Variants in IFRD1 observed in about 807,000 individuals in gnomAD.
The protein encoded by IFRD1 is interferon-related developmental regulator 1.
Under a neutral mutation model 52.9 loss-of-function variants are expected in IFRD1, and 35 were observed. The observed-to-expected ratio is 0.66, with a 90% CI of 0.51 to 0.88. IFRD1 has a LOEUF of 0.88. IFRD1 is among the 40% of genes least tolerant of loss of function. The pLI, the probability that IFRD1 is intolerant of heterozygous loss-of-function variation, is 0.00. For synonymous variants in IFRD1, 184 were observed against 188.4 expected (o/e 0.98, Z 0.19); for missense variants, 517 against 550.8 (o/e 0.94, Z 0.61).
intron 1 of IFRD1, among the ~76,000 whole-genome samples, chr7:112,441,982 A>G (rs1794901257): frequency 6.6e-6 from 1 of 152,196 alleles, no homozygotes; most frequent in African/African-American, 2.4e-5. Flanking sequence ...AAATGGATAA[A>G]TATCTGCTTA....
intron 1 of IFRD1, chr7:112,451,921 A>G: frequency 1.4e-6 from 1 of 726,862 alleles, no homozygotes; most frequent in Non-Finnish European, 1.7e-6. Context: ...ATATGGGGTT[A>G]TGTTGTTAAA....
At chr7:112,423,283 T>C (rs1794360965) in exon 1 of IFRD1, 1 of 152,226 alleles carries the variant, frequency 6.6e-6, no homozygotes, top group African/African-American at 2.4e-5. Context: ...GCCAACAGCC[T>C]GAACTGGTCA....
At chr7:112,468,299 A>C (rs1001924062) in intron 9 of IFRD1, among the ~76,000 whole-genome samples, 184 bp downstream of exon 9, 2 of 151,714 alleles carry the variant, frequency 1.3e-5, no homozygotes, top group Non-Finnish European at 2.9e-5. Flanking sequence ...AAAGAAAATT[A>C]ATGCTGGTGT....
chr7:112,471,514 A>G (rs116164360), intron 9 of IFRD1, among the ~76,000 whole-genome samples: 2,153 of 152,016 alleles, frequency 0.014, 59 homozygotes, highest in African/African-American at 0.048. Flanking sequence ...TGACATACTC[A>G]TGATTTACCA....
Position 112,450,484 on chromosome 7 carries a change from A to G in IFRD1, c.-205A>G. On this transcript the variant is annotated 5_prime_UTR_variant, in exon 1 of 12. Transcript: ENST00000403825. ...CGCCTTAGCTCCCGCGCTAGAGAGA[A>G]ACATGTATCGTTTTCGATCACAGCT... 1.7e-6 allele frequency: 1 copy of G among 604,658 alleles called. No individual in the cohort carries two copies. Among genetic ancestry groups the G allele is most frequent in the South Asian group, 1.9e-5 (1 of 52,982 alleles). 37.5% of individuals were successfully genotyped at this position (604,658 alleles called of 1,614,324 possible).
intron 1 of IFRD1, among the ~76,000 whole-genome samples, chr7:112,435,870 TTC>T (rs911813411): frequency 6.6e-6 from 1 of 150,962 alleles, no homozygotes; most frequent in Non-Finnish European, 1.5e-5. Flanking sequence ...TTTTTCTTTT[TTC>T]TCTCTTTTTT....
At chr7:112,452,023 C>G in intron 1 of IFRD1, 12 of 982,604 alleles carry the variant, frequency 1.2e-5, no homozygotes, top group Non-Finnish European at 1.5e-5. Flanking sequence ...ATTCTTAAAA[C>G]AGCAATTTTT....
At position 112,450,661 on chromosome 7, in the gene IFRD1, G is replaced by C. The variant is rs1238044272; in HGVS notation, c.-28G>C. ...CATCGGCTGATCCTCGCTAAGCTCC[G>C]ACTCTGGGCGGCACCGGGCGTCCCA... is the stretch of plus-strand genomic sequence containing the variant. On this transcript the variant is annotated 5_prime_UTR_variant, in exon 1 of 12. Transcript: ENST00000403825. The C allele has an allele frequency of 6.3e-7, 1 of 1,585,974 alleles. No homozygotes were observed. The highest frequency in any genetic ancestry group is 1.7e-5 in the Admixed American group (1 of 59,978).
chr7:112,458,089 A>G (rs975231664), intron 4 of IFRD1: 6 of 152,242 alleles, frequency 3.9e-5, no homozygotes, highest in African/African-American at 1.2e-4. Flanking sequence ...GGTGTTTTAC[A>G]TTCAAACTAT....
In IFRD1 at chr7:112,428,778, C is replaced by T. The variant is rs181391010; in HGVS notation, c.-182+5346C>T. 3.1e-3 allele frequency among the ~76,000 whole-genome samples: 470 copies of T among 152,232 alleles called. 3 individuals carry two copies. The highest frequency in any genetic ancestry group is 5.3e-3 in the Non-Finnish European group (358 of 68,010). On this transcript the variant is annotated intron_variant, in intron 1 of 12. Coordinates refer to the IFRD1 transcript ENST00000005558. ...TCTTTTTCTTAAACAGAGCCCCTAC[C>T]CTTTTAAAGCTGGTATTAGCTTCAG...
chr7:112,454,767 T>G (rs1230715404), intron 1 of IFRD1, among the ~76,000 whole-genome samples: 1 of 152,092 alleles, frequency 6.6e-6, no homozygotes, highest in African/African-American at 2.4e-5. Flanking sequence ...CTTATGATTA[T>G]CTATGATACA....
At chr7:112,432,417 T>G (rs1426618238) in intron 1 of IFRD1, among the ~76,000 whole-genome samples, 1 of 152,202 alleles carries the variant, frequency 6.6e-6, no homozygotes, top group Non-Finnish European at 1.5e-5. Context: ...TAACTTGCAG[T>G]TAGAGACATA....
intron 1 of IFRD1, chr7:112,452,200 C>T (rs1795184090): frequency 1.2e-6 from 1 of 802,774 alleles, no homozygotes. Context: ...GGCTCTGTCG[C>T]CCAGGCTGGA....
intron 1 of IFRD1, among the ~76,000 whole-genome samples, chr7:112,432,729 C>G (rs1386588810): frequency 6.6e-6 from 1 of 152,202 alleles, no homozygotes; most frequent in Admixed American, 6.5e-5. Flanking sequence ...GGTCACACTG[C>G]TGGCCAATGG....
intron 1 of IFRD1, among the ~76,000 whole-genome samples, chr7:112,434,988 C>G (rs555464673): frequency 6.6e-6 from 1 of 152,052 alleles, no homozygotes; most frequent in South Asian, 2.1e-4. Flanking sequence ...TTTTGATCAC[C>G]CTATATCATT....
At chr7:112,452,429 C>T (rs1795188977) in intron 1 of IFRD1, 2 of 979,962 alleles carry the variant, frequency 2.0e-6, no homozygotes, top group Admixed American at 6.1e-5. Flanking sequence ...AATGCTGGGA[C>T]GGTGCCTGGT....
At chr7:112,452,064 T>A (rs989865158) in intron 1 of IFRD1, 1 of 981,600 alleles carries the variant, frequency 1.0e-6, no homozygotes, top group African/African-American at 1.7e-5. Context: ...TTATTTTGAA[T>A]GCTCTCCATG....
rs1470657469 is a variant in IFRD1, at chr7:112,472,210, A to G, written c.1042-9A>G. On this transcript the variant is annotated splice_polypyrimidine_tract_variant and intron_variant, in intron 9 of 11. Coordinates refer to ENST00000403825, the MANE Select transcript of IFRD1 (RefSeq NM_001550.4). ...TGCCTGTGGTAATTTTGGTTCTTCCATTGGTTAGGAACGGGATTTTCCAAC... is the reference window on the plus strand; with the variant it reads ...TGCCTGTGGTAATTTTGGTTCTTCCGTTGGTTAGGAACGGGATTTTCCAAC... 3.7e-6 allele frequency: 6 copies of G among 1,613,824 alleles called. No individual in the cohort carries two copies. The highest frequency in any genetic ancestry group is 5.1e-6 in the Non-Finnish European group (6 of 1,179,822).
intron 1 of IFRD1, among the ~76,000 whole-genome samples, chr7:112,430,759 G>T (rs1454067021): frequency 2.0e-5 from 3 of 152,114 alleles, no homozygotes; most frequent in Non-Finnish European, 4.4e-5. Context: ...TGACCAAGTG[G>T]GTGGACTAGA....
Sources: gnomAD v4.1 joint callset for allele counts (sites outside exome capture counted in the v4.1 genomes callset) on GRCh38, gnomAD v4.1.1 for gene constraint, MANE v1.5 for transcripts, NCBI Gene and HGNC (gene_info 2026-07-23, HGNC 2026-07-21) for gene names.